The following NEK7 variants were observed in gnomAD, a reference collection of about 807,000 sequenced individuals.
NEK7 encodes the protein NIMA related kinase 7.
NEK7 carries 18 observed loss-of-function variants against 44.6 expected under a neutral mutation model. The observed-to-expected ratio is 0.40, with a 90% CI of 0.28 to 0.60. The LOEUF (loss-of-function observed/expected upper bound fraction) is 0.60, where lower values mean the gene tolerates loss of function less well. Ranked by LOEUF, NEK7 falls within the 20% of genes least tolerant of loss-of-function variation. The pLI is 0.38. For missense variants in NEK7, 256 were observed against 366.5 expected (o/e 0.70, Z 2.46); for synonymous variants, 130 against 121.1 (o/e 1.07, Z -0.48).
At chr1:198,259,085 G>T (rs1473143230) in intron 3 of NEK7, among the ~76,000 whole-genome samples, 1 of 152,096 alleles carries the variant, frequency 6.6e-6, no homozygotes, top group Non-Finnish European at 1.5e-5. Context: ...TGCCATCAAT[G>T]CTTATTTCTC....
At chr1:198,275,027 A>G (rs575932756) in intron 5 of NEK7, among the ~76,000 whole-genome samples, 1 of 151,814 alleles carries the variant, frequency 6.6e-6, no homozygotes, top group South Asian at 2.1e-4. Flanking sequence ...AAATAATATA[A>G]TCTGATGTTT....
chr1:198,249,714 ACC>A (rs1652851117), intron 2 of NEK7, among the ~76,000 whole-genome samples: 1 of 147,350 alleles, frequency 6.8e-6, no homozygotes. Flanking sequence ...CATGTCCTTC[ACC>A]CACTTTTTGA....
chr1:198,201,586 T>G (rs1665430441), intron 1 of NEK7, among the ~76,000 whole-genome samples: 1 of 152,220 alleles, frequency 6.6e-6, no homozygotes, highest in African/African-American at 2.4e-5. Flanking sequence ...CAAACTAAAG[T>G]GATTCAGTTC....
intron 1 of NEK7, among the ~76,000 whole-genome samples, chr1:198,175,286 C>A (rs1484953567): frequency 6.6e-6 from 1 of 152,070 alleles, no homozygotes; most frequent in African/African-American, 2.4e-5. Context: ...TTAAATTTTT[C>A]TTTTATTTAA....
chr1:198,261,859 C>T (rs1379506292), intron 3 of NEK7, among the ~76,000 whole-genome samples: 1 of 151,790 alleles, frequency 6.6e-6, no homozygotes, highest in Non-Finnish European at 1.5e-5. Context: ...TTAGACATTT[C>T]TTCCTAATTA....
chr1:198,276,267 A>G (rs1281484113), intron 5 of NEK7, among the ~76,000 whole-genome samples: 1 of 151,660 alleles, frequency 6.6e-6, no homozygotes, highest in Non-Finnish European at 1.5e-5. Flanking sequence ...TATAATTATG[A>G]TGATTTCAAA....
intron 9 of NEK7, among the ~76,000 whole-genome samples, chr1:198,308,996 C>G (rs986492701): frequency 1.3e-5 from 2 of 152,132 alleles, no homozygotes; most frequent in African/African-American, 2.4e-5. Context: ...CATCCGGTAT[C>G]CATCCTCTAG....
intron 4 of NEK7, among the ~76,000 whole-genome samples, chr1:198,263,626 G>A (rs970193102): frequency 6.6e-6 from 1 of 151,910 alleles, no homozygotes; most frequent in African/African-American, 2.4e-5. Context: ...AGTCCTGTAT[G>A]TTATTTGATA....
At chr1:198,252,768 T>C (rs1653113143) in intron 2 of NEK7, among the ~76,000 whole-genome samples, 1 of 151,530 alleles carries the variant, frequency 6.6e-6, no homozygotes, top group Non-Finnish European at 1.5e-5. Flanking sequence ...CACACATATA[T>C]ATATATGTAT....
At chr1:198,210,867 C>T (rs1665747851) in intron 1 of NEK7, among the ~76,000 whole-genome samples, 1 of 149,880 alleles carries the variant, frequency 6.7e-6, no homozygotes, top group African/African-American at 2.5e-5. Context: ...ATTCTCCTGC[C>T]TCAGCCTCCC....
rs569302703 is a variant in NEK7, at chr1:198,186,782, T to G, written c.-29+29506T>G. Among the ~76,000 whole-genome samples the G allele has an allele frequency of 4.1e-4, 62 of 152,332 alleles. 1 individual carries two copies. Among genetic ancestry groups the G allele is most frequent in the African/African-American group, 1.5e-3 (61 of 41,584 alleles). On this transcript the variant is annotated intron_variant, in intron 1 of 9. Coordinates refer to ENST00000367385, the MANE Select transcript of NEK7 (RefSeq NM_133494.3). Reference sequence around the variant, plus strand: ...TTGATGAGGACAATTATCAACAGAATGAGGCCAACCTGCAGTATTCACCTC... The same window carrying G: ...TTGATGAGGACAATTATCAACAGAAGGAGGCCAACCTGCAGTATTCACCTC...
At chr1:198,282,128 G>A (rs115091186) in intron 7 of NEK7, among the ~76,000 whole-genome samples, 100 of 151,962 alleles carry the variant, frequency 6.6e-4, no homozygotes, top group African/African-American at 2.2e-3. Context: ...TCTACTTTCC[G>A]TTCCCTCATC....
At chr1:198,281,908 T>C (rs1654211787) in intron 7 of NEK7, among the ~76,000 whole-genome samples, 1 of 152,096 alleles carries the variant, frequency 6.6e-6, no homozygotes, top group East Asian at 1.9e-4. Flanking sequence ...CATTTCCAAT[T>C]AGTTTTCAGA....
intron 1 of NEK7, among the ~76,000 whole-genome samples, chr1:198,223,976 G>C (rs775566514): frequency 6.6e-6 from 1 of 152,168 alleles, no homozygotes; most frequent in Admixed American, 6.5e-5. Context: ...GAGTATGAAG[G>C]CTCATTGAAA....
chr1:198,232,559 A>G lies in NEK7; in HGVS notation c.-22A>G, dbSNP rs774628483. On this transcript the variant is annotated 5_prime_UTR_variant, in exon 2 of 10. Coordinates refer to ENST00000367385, the MANE Select transcript of NEK7 (RefSeq NM_133494.3). ...CAACTTTACATTTTTGCAGAGTTCT[A>G]AAGTTCCTGTTGCTTCAGACAATGG... 3.2e-6 allele frequency: 5 copies of G among 1,547,804 alleles called. No homozygotes were observed. The highest frequency in any genetic ancestry group is 1.1e-5 in the South Asian group (1 of 89,636).
chr1:198,212,014 T>C (rs1267638269), intron 1 of NEK7, among the ~76,000 whole-genome samples: 1 of 152,064 alleles, frequency 6.6e-6, no homozygotes, highest in East Asian at 1.9e-4. Flanking sequence ...AACTGAGCAA[T>C]GGGAAGTCTA....
chr1:198,198,972 G>A (rs1665331342), intron 1 of NEK7, among the ~76,000 whole-genome samples: 1 of 152,156 alleles, frequency 6.6e-6, no homozygotes. Context: ...TTATGTGGGG[G>A]GCTATCCATA....
chr1:198,219,083 A>C (rs897269964), intron 1 of NEK7, among the ~76,000 whole-genome samples: 3 of 151,926 alleles, frequency 2.0e-5, no homozygotes, highest in African/African-American at 7.2e-5. Context: ...AAAAGAAGTC[A>C]CTGTATCAAA....
At chr1:198,202,486 G>A (rs763693345) in intron 1 of NEK7, among the ~76,000 whole-genome samples, 11 of 152,182 alleles carry the variant, frequency 7.2e-5, no homozygotes, top group Non-Finnish European at 1.3e-4. Flanking sequence ...TTCCACGTCC[G>A]TGTTCTCCCT....
Sources: allele counts gnomAD v4.1 joint callset (sites outside exome capture counted in the v4.1 genomes callset), GRCh38; gene constraint gnomAD v4.1.1; transcripts MANE v1.5; gene names NCBI Gene and HGNC (gene_info 2026-07-23, HGNC 2026-07-21).